CCSER2: variants seen among roughly 807,000 people sequenced by gnomAD.
CCSER2 encodes the protein serine-rich coiled-coil domain-containing protein 2.
A neutral mutation model predicts 92.3 loss-of-function variants in CCSER2; 46 were observed. The observed-to-expected ratio is 0.50, with a 90% CI of 0.39 to 0.64. The LOEUF is 0.64. Ranked by LOEUF, CCSER2 falls within the 30% of genes least tolerant of loss-of-function variation. The probability of loss-of-function intolerance (pLI) is 0.00; values close to 1 mark genes in which losing one functional copy is unlikely to be tolerated. For missense variants in CCSER2, 1,244 were observed against 1,238.9 expected (o/e 1.00, Z -0.06); for synonymous variants, 433 against 431.4 (o/e 1.00, Z -0.04).
intron 2 of CCSER2, among the ~76,000 whole-genome samples, chr10:84,372,858 A>G (rs1357504747): frequency 6.6e-6 from 1 of 152,096 alleles, no homozygotes; most frequent in Non-Finnish European, 1.5e-5. Flanking sequence ...AGCTGTACCA[A>G]AGGGTACAAT....
Position 84,371,858 on chromosome 10 carries a change from T to G in CCSER2, c.806T>G (p.Met269Arg). ...ATTAGAGTGCCTCTACGGTCAAGTA[T>G]GCTAACAAGAAATTCCCGGCAGCCA... ...LSIRVPLRSS[M>R]LTRNSRQPEV... Residue 269 changes from methionine to arginine, a missense_variant, in exon 2 of 10, where the codon ATG becomes AGG. Met to Arg is a moderately conservative substitution (Grantham distance 91). Transcript: ENST00000372088. The G allele has an allele frequency of 6.2e-7, 1 of 1,613,918 alleles. No individual in the cohort carries two copies. The highest frequency in any genetic ancestry group is 8.5e-7 in the Non-Finnish European group (1 of 1,179,878).
intron 1 of CCSER2, among the ~76,000 whole-genome samples, chr10:84,339,523 T>C (rs1411166515): frequency 6.6e-6 from 1 of 152,122 alleles, no homozygotes; most frequent in Non-Finnish European, 1.5e-5. Context: ...TTGCCCAGGC[T>C]GGAGTGCAAT....
Position 84,394,383 on chromosome 10 carries a change from GTA to G in CCSER2, c.1614+20570_1614+20571del, listed in dbSNP as rs201203271. 5.3e-3 allele frequency among the ~76,000 whole-genome samples: 491 copies of G among 92,594 alleles called. 2 individuals are homozygous for G. The highest frequency in any genetic ancestry group is 0.036 in the African/African-American group (398 of 11,114). The allele number at this position is 92,594 out of a possible 152,430, so 60.7% of individuals were successfully genotyped here. A position where few individuals can be genotyped will look rare whatever the true frequency, so the allele number is the denominator to read the frequency against. ...ATGCTCTTGAAATAACAAAAGGAAAGTATGTGTGTGTGTGTGTGTGTGTGTGT... is the reference window on the plus strand; with the variant it reads ...ATGCTCTTGAAATAACAAAAGGAAAGTGTGTGTGTGTGTGTGTGTGTGTGT... On this transcript the variant is annotated intron_variant, in intron 3 of 9. Coordinates refer to ENST00000372088, the MANE Select transcript of CCSER2 (RefSeq NM_001284240.2).
chr10:84,473,206 A>G (rs1486662014), intron 8 of CCSER2: 1 of 152,158 alleles, frequency 6.6e-6, no homozygotes, highest in Admixed American at 6.5e-5. Flanking sequence ...TATTTGTCAT[A>G]AAAGAGCCTG....
intron 1 of CCSER2, among the ~76,000 whole-genome samples, chr10:84,369,765 A>G (rs1042878477): frequency 1.3e-5 from 2 of 152,114 alleles, no homozygotes; most frequent in Non-Finnish European, 2.9e-5. Flanking sequence ...GTTTTCTTCT[A>G]GCATTTTTAT....
chr10:84,403,539 A>G (rs1260142179), intron 3 of CCSER2, among the ~76,000 whole-genome samples: 1 of 152,216 alleles, frequency 6.6e-6, no homozygotes, highest in South Asian at 2.1e-4. Context: ...TATATCTGAC[A>G]AAGTTCTCGT....
At chr10:84,463,102 G>A (rs900291597) in intron 6 of CCSER2, among the ~76,000 whole-genome samples, 3 of 152,260 alleles carry the variant, frequency 2.0e-5, no homozygotes, top group Non-Finnish European at 4.4e-5. Context: ...GAACCATTGA[G>A]CATGTGGTTT....
intron 2 of CCSER2, among the ~76,000 whole-genome samples, chr10:84,373,125 G>T (rs898176965): frequency 2.0e-5 from 3 of 152,060 alleles, no homozygotes; most frequent in African/African-American, 7.2e-5. Flanking sequence ...TAGACATGTG[G>T]TATAATCAGG....
chr10:84,434,921 G>T (rs577808147), intron 5 of CCSER2, among the ~76,000 whole-genome samples: 1 of 152,226 alleles, frequency 6.6e-6, no homozygotes, highest in South Asian at 2.1e-4. Flanking sequence ...ATAAGATATG[G>T]CTCTGTTTTC....
At chr10:84,450,287 AT>A (rs1449245596) in intron 6 of CCSER2, among the ~76,000 whole-genome samples, 3 of 152,214 alleles carry the variant, frequency 2.0e-5, no homozygotes, top group Non-Finnish European at 2.9e-5. Context: ...CATGACTAGA[AT>A]TTTTGGTAAT....
chr10:84,348,495 A>G (rs1467743037), intron 1 of CCSER2, among the ~76,000 whole-genome samples: 3 of 151,976 alleles, frequency 2.0e-5, no homozygotes, highest in Non-Finnish European at 4.4e-5. Flanking sequence ...GACCGTGGGG[A>G]GAGGAAGAGG....
At chr10:84,442,579 G>A (rs1265268425) in intron 6 of CCSER2, among the ~76,000 whole-genome samples, 1 of 152,050 alleles carries the variant, frequency 6.6e-6, no homozygotes, top group East Asian at 1.9e-4. Context: ...TTTTTTGTGT[G>A]TTTTTTAAAA....
At chr10:84,443,568 G>A (rs1042213203) in intron 6 of CCSER2, among the ~76,000 whole-genome samples, 3 of 152,194 alleles carry the variant, frequency 2.0e-5, no homozygotes, top group Non-Finnish European at 4.4e-5. Flanking sequence ...TTCAACCATT[G>A]TGGAAGACAG....
At chr10:84,346,531 A>G (rs1171584320) in intron 1 of CCSER2, among the ~76,000 whole-genome samples, 1 of 152,128 alleles carries the variant, frequency 6.6e-6, no homozygotes, top group East Asian at 1.9e-4. Flanking sequence ...CAGCTAAACC[A>G]TGGGCATATG....
intron 8 of CCSER2, among the ~76,000 whole-genome samples, chr10:84,474,662 CAAAAAA>C (rs397844899): frequency 1.5e-5 from 1 of 65,856 alleles, no homozygotes; most frequent in Non-Finnish European, 2.9e-5. Context: ...GACTCCATCT[CAAAAAA>C]AAAAAAAAAA....
intron 9 of CCSER2, among the ~76,000 whole-genome samples, chr10:84,503,973 T>G (rs1848907898): frequency 6.6e-6 from 1 of 152,216 alleles, no homozygotes; most frequent in African/African-American, 2.4e-5. Context: ...GATTATAAAT[T>G]TATTTTACAT....
At chr10:84,472,059 T>TA (rs1034694300) in intron 8 of CCSER2, among the ~76,000 whole-genome samples, 27 of 151,552 alleles carry the variant, frequency 1.8e-4, no homozygotes, top group African/African-American at 6.3e-4. Context: ...AGTTAAAAGT[T>TA]AAAAAAAAGA....
chr10:84,358,700 GTA>G (rs534009297), intron 1 of CCSER2, among the ~76,000 whole-genome samples: 3 of 148,860 alleles, frequency 2.0e-5, no homozygotes, highest in African/African-American at 7.4e-5. Flanking sequence ...ACACACACGT[GTA>G]TATATATATT....
rs1206545313 is a variant in CCSER2, at chr10:84,443,988, G to A, written c.2064+5281G>A. Among the ~76,000 whole-genome samples the A allele has an allele frequency of 2.0e-5, 3 of 152,060 alleles. No homozygotes were observed. The East Asian group carries it at 5.8e-4, about 29-fold the overall frequency. Reference sequence around the variant, plus strand: ...AGGGGAACATCACACACCAGGGCCTGTCGGGGGGTAGGGGGCTGGGGGAGG... The same window carrying A: ...AGGGGAACATCACACACCAGGGCCTATCGGGGGGTAGGGGGCTGGGGGAGG... On this transcript the variant is annotated intron_variant, in intron 6 of 9. Coordinates refer to ENST00000372088, the MANE Select transcript of CCSER2 (RefSeq NM_001284240.2).
Sources: gnomAD v4.1 joint callset for allele counts (sites outside exome capture counted in the v4.1 genomes callset) on GRCh38, gnomAD v4.1.1 for gene constraint, MANE v1.5 for transcripts, NCBI Gene and HGNC (gene_info 2026-07-23, HGNC 2026-07-21) for gene names.